The following ADGRL3 variants were observed in gnomAD, a reference collection of about 807,000 sequenced individuals.
The protein encoded by ADGRL3 is calcium-independent alpha-latrotoxin receptor 3.
ADGRL3 carries 62 observed loss-of-function variants against 153.5 expected under a neutral mutation model. The observed-to-expected ratio is 0.40, with a 90% CI of 0.33 to 0.50. The LOEUF is 0.50. ADGRL3 is among the 20% of genes least tolerant of loss of function. The pLI, the probability that ADGRL3 is intolerant of heterozygous loss-of-function variation, is 0.47. For synonymous variants in ADGRL3, 710 were observed against 672.5 expected, an observed-to-expected ratio of 1.06 and a Z score of -0.86; for missense variants, 1,641 against 1,859.4, an observed-to-expected ratio of 0.88 and a Z score of 2.16.
intron 2 of ADGRL3, among the ~76,000 whole-genome samples, chr4:61,483,638 G>A (rs1385828975): frequency 9.2e-5 from 14 of 152,030 alleles, no homozygotes; most frequent in Non-Finnish European, 1.8e-4. Flanking sequence ...TCGGGAGGCT[G>A]AGGCAGGATA....
chr4:62,029,346 T>C (rs543514336), intron 22 of ADGRL3, among the ~76,000 whole-genome samples: 22 of 151,780 alleles, frequency 1.4e-4, no homozygotes, highest in Admixed American at 5.3e-4. Context: ...ATACTAAATA[T>C]AAATAAAGAA....
rs147853815 is a variant in ADGRL3 at position 61,395,665 on chromosome 4, T to C, written c.-174+12476T>C. 1.8e-3 allele frequency among the ~76,000 whole-genome samples: 274 copies of C among 152,100 alleles called. 2 individuals carry two copies. The highest frequency in any genetic ancestry group is 6.4e-3 in the African/African-American group (265 of 41,546). ...AATAGGTAATGACCTATTCTGAATT[T>C]GTTCAGTAAAATATAACAAATTAAA... On this transcript the variant is annotated intron_variant, in intron 2 of 26. Coordinates refer to ENST00000683033, the MANE Select transcript of ADGRL3 (RefSeq NM_001387552.1).
intron 2 of ADGRL3, among the ~76,000 whole-genome samples, chr4:61,450,253 A>G (rs2097657877): frequency 6.6e-6 from 1 of 152,188 alleles, no homozygotes; most frequent in Non-Finnish European, 1.5e-5. Flanking sequence ...TGTTAATTTC[A>G]CTATAGTTTT....
At chr4:61,257,881 G>A (rs556551271) in intron 1 of ADGRL3, among the ~76,000 whole-genome samples, 36 of 151,486 alleles carry the variant, frequency 2.4e-4, no homozygotes, top group Admixed American at 6.6e-4. Context: ...GTGCGCACGC[G>A]CACACCCCAT....
At chr4:62,010,973 A>G (rs1449222733) in intron 21 of ADGRL3, among the ~76,000 whole-genome samples, 2 of 152,130 alleles carry the variant, frequency 1.3e-5, no homozygotes, top group Admixed American at 6.6e-5. Context: ...TTTAGTTTCA[A>G]CTTGTAAAAT....
chr4:61,857,361 G>T (rs1434537307), intron 9 of ADGRL3, among the ~76,000 whole-genome samples: 1 of 152,036 alleles, frequency 6.6e-6, no homozygotes, highest in Admixed American at 6.6e-5. Context: ...AGTAAGTAAG[G>T]AAATAAGATT....
Position 61,733,070 on chromosome 4 carries a change from A to G in ADGRL3, c.915A>G (p.Ile305Met). 5 of 1,613,738 alleles carry G rather than the reference A, an allele frequency of 3.1e-6. No individual in the cohort carries two copies. The highest frequency in any genetic ancestry group is 4.2e-6 in the Non-Finnish European group (5 of 1,179,824). Residue 305 changes from isoleucine (I) to methionine (M), a missense_variant, in exon 8 of 27, where the codon ATA (isoleucine) becomes ATG (methionine). By Grantham distance (10) the Ile-to-Met change is conservative. Coordinates refer to ENST00000683033, the MANE Select transcript of ADGRL3 (RefSeq NM_001387552.1). ...NIVKFDLRTR[I>M]KSGEAIIANA... ...TAAAGTTTGATTTGCGGACTAGGAT[A>G]AAGAGTGGAGAGGCTATCATAGCAA...
At position 62,071,450 on chromosome 4, in the gene ADGRL3, T is replaced by G. The variant is rs2151937977; in HGVS notation, c.*542T>G. The G allele has an allele frequency of 5.9e-6, 1 of 170,384 alleles. No homozygotes were observed. The highest frequency in any genetic ancestry group is 2.4e-5 in the African/African-American group (1 of 41,646). 10.6% of individuals were successfully genotyped at this position (170,384 alleles called of 1,614,324 possible). A position where few individuals can be genotyped will look rare whatever the true frequency, so the allele number is the denominator to read the frequency against. ...AAACAAAATAAAACAACAAAATTAA[T>G]AATGAAATGGAGGGGAATTCTAGAA... On this transcript the variant is annotated 3_prime_UTR_variant, in exon 27 of 27. Coordinates refer to ENST00000683033, the MANE Select transcript of ADGRL3 (RefSeq NM_001387552.1).
At chr4:61,847,366 G>C (rs2098129228) in intron 9 of ADGRL3, among the ~76,000 whole-genome samples, 1 of 150,662 alleles carries the variant, frequency 6.6e-6, no homozygotes, top group African/African-American at 2.4e-5. Context: ...CCAAGTTACA[G>C]ATCAAGCAGC....
intron 1 of ADGRL3, among the ~76,000 whole-genome samples, chr4:61,319,354 C>T (rs2095306687): frequency 6.6e-6 from 1 of 152,082 alleles, no homozygotes; most frequent in African/African-American, 2.4e-5. Context: ...ACTTTCTGCC[C>T]CATATGCCCA....
At chr4:61,776,684 G>C (rs2152343611) in intron 8 of ADGRL3, among the ~76,000 whole-genome samples, 1 of 152,128 alleles carries the variant, frequency 6.6e-6, no homozygotes, top group East Asian at 1.9e-4. Context: ...TTATAGTATT[G>C]TAATAACATA....
intron 17 of ADGRL3, among the ~76,000 whole-genome samples, chr4:61,959,818 G>GA (rs1351268165): frequency 6.6e-6 from 1 of 152,010 alleles, no homozygotes; most frequent in African/African-American, 2.4e-5. Flanking sequence ...ACAAAATATT[G>GA]AATTTATGAT....
At chr4:61,430,482 C>T (rs1179599523) in intron 2 of ADGRL3, among the ~76,000 whole-genome samples, 5 of 152,110 alleles carry the variant, frequency 3.3e-5, no homozygotes, top group South Asian at 2.1e-4. Flanking sequence ...CACCACTGTA[C>T]AGAGAGTAAG....
At chr4:61,261,985 G>A (rs1179845100) in intron 1 of ADGRL3, among the ~76,000 whole-genome samples, 1 of 132,896 alleles carries the variant, frequency 7.5e-6, no homozygotes, top group Non-Finnish European at 1.6e-5. Flanking sequence ...GAGATGTTTG[G>A]GAACGACGAG....
At chr4:62,024,701 C>T (rs939558617) in intron 21 of ADGRL3, among the ~76,000 whole-genome samples, 1 of 151,902 alleles carries the variant, frequency 6.6e-6, no homozygotes, top group Admixed American at 6.6e-5. Context: ...GAGGCCGAGG[C>T]GGGCGGATCA....
intron 8 of ADGRL3, among the ~76,000 whole-genome samples, chr4:61,791,314 C>T (rs896101665): frequency 6.6e-6 from 1 of 152,186 alleles, no homozygotes; most frequent in Non-Finnish European, 1.5e-5. Flanking sequence ...CTGGCAAAAA[C>T]AAAGGGGCTA....
chr4:61,856,805 T>C (rs1193612376), intron 9 of ADGRL3, among the ~76,000 whole-genome samples: 2 of 151,414 alleles, frequency 1.3e-5, no homozygotes, highest in African/African-American at 4.8e-5. Context: ...AGTTTCACCA[T>C]GTTGGCCAGA....
intron 3 of ADGRL3, among the ~76,000 whole-genome samples, chr4:61,516,749 A>C (rs1249115319): frequency 1.3e-5 from 2 of 152,120 alleles, no homozygotes; most frequent in South Asian, 2.1e-4. Context: ...CCTCTCCAAA[A>C]ATGGTAGTTA....
chr4:61,884,468 T>C (rs1036232506), intron 9 of ADGRL3, among the ~76,000 whole-genome samples: 1 of 152,304 alleles, frequency 6.6e-6, no homozygotes, highest in Admixed American at 6.5e-5. Context: ...CTGAACTCTA[T>C]AGCAAGCTTT....
Sources: gnomAD v4.1 joint callset for allele counts (sites outside exome capture counted in the v4.1 genomes callset) on GRCh38, gnomAD v4.1.1 for gene constraint, MANE v1.5 for transcripts, NCBI Gene and HGNC (gene_info 2026-07-23, HGNC 2026-07-21) for gene names.